PKD1L3: variants seen among roughly 807,000 people sequenced by gnomAD.
PKD1L3 encodes the protein polycystin-1-like protein 3.
A neutral mutation model predicts 184.1 loss-of-function variants in PKD1L3; 239 were observed. The observed-to-expected ratio is 1.30, with a 90% CI of 1.17 to 1.45. PKD1L3 has a LOEUF of 1.45. Ranked by LOEUF, PKD1L3 falls within the 40% of genes most tolerant of loss-of-function variation. The pLI is 0.00. For missense variants in PKD1L3, 2,660 were observed against 2,067.2 expected, an observed-to-expected ratio of 1.29 and a Z score of -5.56; for synonymous variants, 996 against 778.8, an observed-to-expected ratio of 1.28 and a Z score of -4.64.
At chr16:71,956,122 C>T (rs536674511) in intron 16 of PKD1L3, among the ~76,000 whole-genome samples, 18 of 150,518 alleles carry the variant, frequency 1.2e-4, no homozygotes, top group South Asian at 2.1e-4. Context: ...CCTCCCAAAG[C>T]GCTGGGATTC....
chr16:71,945,392 A>T (rs936045473), intron 22 of PKD1L3, among the ~76,000 whole-genome samples: 3,424 of 59,110 alleles, frequency 0.058, 165 homozygotes, highest in African/African-American at 0.16. Context: ...ACATATATAT[A>T]TATATATTTA....
chr16:71,958,780 C>CAAA (rs547912125), intron 16 of PKD1L3, among the ~76,000 whole-genome samples: 3 of 65,112 alleles, frequency 4.6e-5, no homozygotes, highest in Non-Finnish European at 8.2e-5. Flanking sequence ...GACTCTATCT[C>CAAA]AAAAAAAAAA....
intron 22 of PKD1L3, among the ~76,000 whole-genome samples, chr16:71,944,601 T>G (rs1453544741): frequency 6.6e-6 from 1 of 152,130 alleles, no homozygotes; most frequent in Non-Finnish European, 1.5e-5. Flanking sequence ...GAGGACTGAT[T>G]AAGCCCAGGA....
At chr16:71,944,202 T>C in intron 22 of PKD1L3, 32 bp from the exon 23 acceptor site, 1 of 1,523,922 alleles carries the variant, frequency 6.6e-7, no homozygotes, top group Non-Finnish European at 8.9e-7. Flanking sequence ...ACCAAAGAAA[T>C]GTTATATTTC....
Position 71,936,758 on chromosome 16 carries a change from C to T in PKD1L3, c.4452+534G>A, listed in dbSNP as rs112070053. 6.5e-3 allele frequency among the ~76,000 whole-genome samples: 987 copies of T among 152,214 alleles called. 15 individuals are homozygous for T. Among genetic ancestry groups the T allele is most frequent in the African/African-American group, 0.021 (890 of 41,510 alleles). ...TCGGCCTCCTAAAGTGCTTGAACTA[C>T]AGGCATGAGCCAATCATTTGTATTT... On this transcript the variant is annotated intron_variant, in intron 25 of 29. Transcript: ENST00000620267.
intron 11 of PKD1L3, among the ~76,000 whole-genome samples, chr16:71,976,610 A>G (rs987808127): frequency 6.6e-6 from 1 of 152,092 alleles, no homozygotes; most frequent in African/African-American, 2.4e-5. Flanking sequence ...CTCAAAATGA[A>G]AATTTTTTTA....
intron 13 of PKD1L3, among the ~76,000 whole-genome samples, chr16:71,968,417 G>A (rs1254131950): frequency 2.6e-5 from 4 of 152,260 alleles, no homozygotes; most frequent in Non-Finnish European, 5.9e-5. Flanking sequence ...TAGGTAGCCT[G>A]TATTTTTGTT....
Position 71,954,214 on chromosome 16 carries a change from A to T in PKD1L3, c.2700T>A (p.Phe900Leu), listed in dbSNP as rs1028006985. Residue 900 changes from phenylalanine (F) to leucine (L), a missense_variant, in exon 17 of 30, where the codon TTT becomes TTA. Physicochemically the swap from Phe to Leu is conservative, Grantham distance 22. Transcript: ENST00000620267. ...SIATRHPWNQ[F>L]TRVQRLSCCM... ...AGCAAGACAGCCGTTGGACCCTTGT[A>T]AACTGGTTCCAGGGATGCCGAGTTG... 6.4e-6 allele frequency: 10 copies of T among 1,551,534 alleles called. No homozygotes were observed. The highest frequency in any genetic ancestry group is 8.7e-6 in the Non-Finnish European group (10 of 1,146,780).
chr16:71,986,917 T>G (rs1375427249), intron 4 of PKD1L3, among the ~76,000 whole-genome samples: 35 of 51,642 alleles, frequency 6.8e-4, no homozygotes, highest in Middle Eastern at 0.011. Context: ...GGAGAGGATT[T>G]TTTTTTTTTT....
intron 16 of PKD1L3, among the ~76,000 whole-genome samples, chr16:71,962,579 C>G (rs1487265889): frequency 6.6e-6 from 1 of 152,070 alleles, no homozygotes; most frequent in East Asian, 1.9e-4. Flanking sequence ...CTCTGCCTCC[C>G]AGGTTCAAGC....
At chr16:71,957,368 T>C (rs1158924937) in intron 16 of PKD1L3, among the ~76,000 whole-genome samples, 1 of 152,100 alleles carries the variant, frequency 6.6e-6, no homozygotes, top group African/African-American at 2.4e-5. Context: ...TTATTAGTAA[T>C]TATATCAAAT....
chr16:71,933,566 T>C (rs570685692), intron 27 of PKD1L3, 45 bp from the exon 28 acceptor site: 1 of 1,379,102 alleles, frequency 7.3e-7, no homozygotes, highest in Non-Finnish European at 1.0e-6. Flanking sequence ...CGAGCGCACA[T>C]CTTTCTATCC....
chr16:71,970,027 C>A lies in PKD1L3; in HGVS notation c.2032G>T (p.Val678Leu). ...TCTTCAACATTCACGGTCCTGGGCACGACAAAGAAGTCGCTGGCAAAGAAG... is the reference window on the plus strand; with the variant it reads ...TCTTCAACATTCACGGTCCTGGGCAAGACAAAGAAGTCGCTGGCAAAGAAG... The part of the protein sequence containing the change: ...LTFFASDFFV[V>L]PRTVNVEDTI... Residue 678 changes from valine to leucine, a missense_variant, in exon 13 of 30, where the codon GTG becomes TTG. Val to Leu is a conservative substitution (Grantham distance 32). Transcript: ENST00000620267. The A allele has an allele frequency of 2.6e-6, 4 of 1,551,618 alleles. No homozygotes were observed. Among genetic ancestry groups the A allele is most frequent in the Non-Finnish European group, 3.5e-6 (4 of 1,146,990 alleles).
chr16:71,977,560 C>CTTCCAAT, intron 10 of PKD1L3, 93 bp from the exon 11 acceptor site: 3 of 543,664 alleles, frequency 5.5e-6, no homozygotes, highest in Non-Finnish European at 8.5e-6. Flanking sequence ...CGTCCTAGCT[C>CTTCCAAT]TTTTTTTTTT....
intron 2 of PKD1L3, 64 bp downstream of exon 2, chr16:71,998,208 A>G: frequency 6.5e-7 from 1 of 1,538,528 alleles, no homozygotes; most frequent in Admixed American, 2.0e-5. Context: ...TCTCACATGC[A>G]CTCCTTATTT....
intron 4 of PKD1L3, among the ~76,000 whole-genome samples, chr16:71,986,791 G>A (rs2040385314): frequency 6.6e-6 from 1 of 152,070 alleles, no homozygotes; most frequent in Non-Finnish European, 1.5e-5. Flanking sequence ...TCGAGCCCCT[G>A]TGTTAGTGGT....
Position 71,975,725 on chromosome 16 carries a change from T to C in PKD1L3, c.1759+1511A>G, listed in dbSNP as rs539672826. Among the ~76,000 whole-genome samples, 27 of 152,266 alleles carry C rather than the reference T, an allele frequency of 1.8e-4. No individual in the cohort carries two copies. The South Asian group carries it at 5.6e-3, about 32-fold the overall frequency. On this transcript the variant is annotated intron_variant, in intron 11 of 29. Coordinates refer to ENST00000620267, the MANE Select transcript of PKD1L3 (RefSeq NM_181536.2). ...TTCCTTACATACATATCCTTATCCA[T>C]CCTATAATCCATCTTTAAAAAAAAA... is the stretch of plus-strand genomic sequence containing the variant.
At chr16:71,978,058 G>C (rs2039997695) in intron 10 of PKD1L3, among the ~76,000 whole-genome samples, 197 bp downstream of exon 10, 1 of 152,174 alleles carries the variant, frequency 6.6e-6, no homozygotes, top group South Asian at 2.1e-4. Flanking sequence ...ACAGGCATGA[G>C]CCACTGCGCC....
chr16:71,986,732 A>G (rs2040382106), intron 4 of PKD1L3, among the ~76,000 whole-genome samples: 1 of 152,178 alleles, frequency 6.6e-6, no homozygotes, highest in Non-Finnish European at 1.5e-5. Context: ...AGAATGTTCT[A>G]GAGAACTGAA....
Sources: gnomAD v4.1 joint callset for allele counts (sites outside exome capture counted in the v4.1 genomes callset) on GRCh38, gnomAD v4.1.1 for gene constraint, MANE v1.5 for transcripts, NCBI Gene and HGNC (gene_info 2026-07-23, HGNC 2026-07-21) for gene names.